The following TENM1 variants were observed in gnomAD, a reference collection of about 807,000 sequenced individuals.
The protein encoded by TENM1 is teneurin-1.
A neutral mutation model predicts 174.8 loss-of-function variants in TENM1; 35 were observed. The ratio of observed to expected loss-of-function variants is 0.20; its 90% confidence interval spans 0.15 to 0.27. The LOEUF (loss-of-function observed/expected upper bound fraction) is 0.27. Among genes scored for constraint, TENM1 ranks in the 10% least tolerant of loss-of-function variants. The pLI is 1.00. For synonymous variants in TENM1, 781 were observed against 798.7 expected, an observed-to-expected ratio of 0.98 and a Z score of 0.37; for missense variants, 1,633 against 2,130.1, an observed-to-expected ratio of 0.77 and a Z score of 4.59.
chrX:124,827,303 C>T (rs1255993477), intron 3 of TENM1, among the ~76,000 whole-genome samples: 4 of 111,914 alleles, frequency 3.6e-5, no homozygotes, highest in Non-Finnish European at 5.6e-5. Flanking sequence ...CCCGCCTCGG[C>T]TTCCCAAAGT....
intron 3 of TENM1, among the ~76,000 whole-genome samples, chrX:124,753,298 C>T (rs371182748): frequency 1.0e-4 from 11 of 108,965 alleles, no homozygotes; most frequent in South Asian, 4.1e-4. Flanking sequence ...TTGTCTGTTA[C>T]TGGTGTATAA....
chrX:124,389,231 C>T (rs1201445559), intron 28 of TENM1, among the ~76,000 whole-genome samples: 2 of 112,493 alleles, frequency 1.8e-5, no homozygotes, highest in African/African-American at 3.2e-5. Flanking sequence ...AAACTATTTT[C>T]ACAAAATTTC....
At chrX:124,535,068 G>T (rs531597118) in intron 15 of TENM1, among the ~76,000 whole-genome samples, 1 of 111,982 alleles carries the variant, frequency 8.9e-6, no homozygotes, top group East Asian at 2.8e-4. Context: ...CCTCAGTCCT[G>T]TATGATAATC....
intron 3 of TENM1, among the ~76,000 whole-genome samples, chrX:124,747,112 A>C (rs993408911): frequency 8.3e-5 from 9 of 109,008 alleles, no homozygotes; most frequent in Non-Finnish European, 1.7e-4. Context: ...AGATCACACC[A>C]CTGCACTCCA....
At chrX:124,449,820 C>A (rs900999242) in intron 23 of TENM1, among the ~76,000 whole-genome samples, 5 of 111,525 alleles carry the variant, frequency 4.5e-5, no homozygotes, top group African/African-American at 1.6e-4. Context: ...ATGAACATTT[C>A]TTGAGTTTCT....
intron 1 of TENM1, among the ~76,000 whole-genome samples, chrX:124,901,854 G>A (rs755217104): frequency 9.0e-6 from 1 of 111,550 alleles, no homozygotes; most frequent in South Asian, 3.8e-4. Context: ...TAAGTAATTG[G>A]AAGTCAAGAA....
intron 3 of TENM1, among the ~76,000 whole-genome samples, chrX:124,879,056 TG>T (rs1246914124): frequency 1.8e-5 from 2 of 112,316 alleles, no homozygotes; most frequent in African/African-American, 6.5e-5. Flanking sequence ...ATGCATAGAA[TG>T]TGCAGTGATC....
chrX:125,020,533 A>C, the TENM1 span, among the ~76,000 whole-genome samples: 1 of 106,455 alleles, frequency 9.4e-6, no homozygotes, highest in Admixed American at 1.0e-4. Context: ...TATTTTTATT[A>C]TTATTATTAT....
the TENM1 span, among the ~76,000 whole-genome samples, chrX:125,159,570 A>G: frequency 8.9e-6 from 1 of 112,302 alleles, no homozygotes; most frequent in Non-Finnish European, 1.9e-5. Context: ...AGATCCAAAT[A>G]TGCTTGCCTA....
chrX:124,646,377 C>T lies in TENM1; in HGVS notation c.1681+332G>A, dbSNP rs7878310. ...ATACAAGCATCACATAGTGACTGGT[C>T]AGACAACCTATCTACAAATCCCAGC... On this transcript the variant is annotated intron_variant, in intron 9 of 31. Coordinates refer to ENST00000422452, the Ensembl canonical transcript of TENM1. Among the ~76,000 whole-genome samples the T allele has an allele frequency of 7.0e-3, 792 of 112,468 alleles. 9 individuals carry two copies. The highest frequency in any genetic ancestry group is 0.024 in the African/African-American group (733 of 31,011).
At position 124,552,557 on chromosome X, in the gene TENM1, C is replaced by T. The variant is rs142536776; in HGVS notation, c.2435-5467G>A. ...TAAACTTTTCTGGGTTGGGAAAATA[C>T]GTTGTTTGTATGCCACTAATGTTCA... On this transcript the variant is annotated intron_variant, in intron 14 of 31. Coordinates refer to ENST00000422452, the Ensembl canonical transcript of TENM1. Among the ~76,000 whole-genome samples the T allele has an allele frequency of 2.7e-4, 30 of 111,812 alleles. 1 individual carries two copies. The East Asian group carries it at 7.4e-3, about 27-fold the overall frequency.
chrX:124,666,422 G>A (rs1424743912), intron 6 of TENM1, among the ~76,000 whole-genome samples: 1 of 111,584 alleles, frequency 9.0e-6, no homozygotes, highest in Non-Finnish European at 1.9e-5. Context: ...TTTTGCTTAA[G>A]AAATTCCCCA....
chrX:124,775,723 G>A lies in TENM1; in HGVS notation c.536-38526C>T, dbSNP rs767000911. Among the ~76,000 whole-genome samples, 5 of 111,833 alleles carry A rather than the reference G, an allele frequency of 4.5e-5. No individual in the cohort carries two copies. In the East Asian group the frequency reaches 1.4e-3, roughly 32 times the overall value. ...AGCTGACTCAGATTTGTGGTATATT[G>A]AGCTGCTCAATTAACCAACCCTAGT... On this transcript the variant is annotated intron_variant, in intron 3 of 31. Transcript: ENST00000422452.
intron 7 of TENM1, among the ~76,000 whole-genome samples, chrX:124,653,290 C>G (rs1342800633): frequency 9.0e-6 from 1 of 111,335 alleles, no homozygotes; most frequent in Non-Finnish European, 1.9e-5. Flanking sequence ...TAAAGCTAAG[C>G]AAGATGAGAG....
chrX:124,461,715 C>T (rs1450615594), intron 22 of TENM1, among the ~76,000 whole-genome samples: 1 of 110,974 alleles, frequency 9.0e-6, no homozygotes, highest in African/African-American at 3.3e-5. Context: ...TTAGTCGTTA[C>T]CGGAGGCTGG....
chrX:125,192,442 T>C, the TENM1 span, among the ~76,000 whole-genome samples: 1 of 111,944 alleles, frequency 8.9e-6, no homozygotes, highest in Non-Finnish European at 1.9e-5. Context: ...GATCATAAGA[T>C]CTTGTTTAAG....
the TENM1 span, among the ~76,000 whole-genome samples, chrX:125,185,273 G>T: frequency 8.9e-6 from 1 of 112,126 alleles, no homozygotes; most frequent in African/African-American, 3.2e-5. Context: ...TTTGTAGTCA[G>T]TAAGAACTAC....
the TENM1 span, among the ~76,000 whole-genome samples, chrX:124,977,304 GCTGT>G: frequency 1.8e-5 from 2 of 111,578 alleles, no homozygotes; most frequent in African/African-American, 6.5e-5. Context: ...TCAAAACTAG[GCTGT>G]CTGTTGTTTT....
At position 124,811,579 on chromosome X, in the gene TENM1, G is replaced by GTACAGTCAT. The variant is rs757311975; in HGVS notation, c.536-74391_536-74383dup. 3.6e-5 allele frequency among the ~76,000 whole-genome samples: 4 copies of GTACAGTCAT among 111,696 alleles called. No individual in the cohort carries two copies. In the East Asian group the frequency reaches 1.1e-3, roughly 31 times the overall value. On this transcript the variant is annotated intron_variant, in intron 3 of 31. Coordinates refer to ENST00000422452, the Ensembl canonical transcript of TENM1. Reference sequence around the variant, plus strand: ...AAACTATTGGTGTGAATGCAAATTAGTACAGTCATTATGAAAACCAGTATG... The same window carrying GTACAGTCAT: ...AAACTATTGGTGTGAATGCAAATTAGTACAGTCATTACAGTCATTATGAAAACCAGTATG...
Sources: gnomAD v4.1 joint callset for allele counts (sites outside exome capture counted in the v4.1 genomes callset) on GRCh38, gnomAD v4.1.1 for gene constraint, MANE v1.5 for transcripts, NCBI Gene and HGNC (gene_info 2026-07-23, HGNC 2026-07-21) for gene names.